Variants in PRDM16 observed in about 807,000 individuals in gnomAD.
PRDM16 encodes histone-lysine N-methyltransferase PRDM16.
In PRDM16, 23 loss-of-function variants were observed where a neutral mutation model predicts 110.6. The observed-to-expected ratio is 0.21, with a 90% confidence interval of 0.15 to 0.29. PRDM16 has a LOEUF of 0.29. PRDM16 is among the 10% of genes least tolerant of loss of function. The probability of loss-of-function intolerance (pLI) is 1.00; values close to 1 mark genes in which losing one functional copy is unlikely to be tolerated. For missense variants in PRDM16, 1,615 were observed against 1,794.3 expected (o/e 0.90, Z 1.81); for synonymous variants, 799 against 781.8 (o/e 1.02, Z -0.37).
rs1224455776 is a variant in PRDM16 at position 3,265,262 on chromosome 1, G to T, written c.438+21125G>T. 6.6e-6 allele frequency among the ~76,000 whole-genome samples: 1 copy of T among 152,134 alleles called. No homozygotes were observed. The highest frequency in any genetic ancestry group is 1.9e-4 in the East Asian group (1 of 5,188). On this transcript the variant is annotated intron_variant, in intron 3 of 16. Coordinates refer to ENST00000270722, the MANE Select transcript of PRDM16 (RefSeq NM_022114.4). The surrounding 1 kb of genome is among the most constrained non-coding windows in gnomAD (Gnocchi z 4.5). ...TGACAACAGCTTGTCCCTTACGGTT[G>T]GGACAGAAGCCTCAGGGTGCAGGGG...
intron 3 of PRDM16, among the ~76,000 whole-genome samples, chr1:3,276,499 G>A (rs1490275693): frequency 2.0e-5 from 3 of 152,228 alleles, no homozygotes; most frequent in South Asian, 4.1e-4. Context: ...GCTGCATGAA[G>A]ACTGGCCAGC....
rs538263186 is a variant in PRDM16, at chr1:3,247,664, C to T, written c.438+3527C>T. ...GCCTTCGTTCACTCCGCAGCCCTTG[C>T]GCCCGCGCAGCCCAGAGCTTTGGCG... On this transcript the variant is annotated intron_variant, in intron 3 of 16. Coordinates refer to ENST00000270722, the MANE Select transcript of PRDM16 (RefSeq NM_022114.4). Among the ~76,000 whole-genome samples, 3 of 152,366 alleles carry T rather than the reference C, an allele frequency of 2.0e-5. No individual in the cohort carries two copies. The South Asian group carries it at 6.2e-4, about 32-fold the overall frequency.
chr1:3,119,952 G>A (rs1236823918), intron 1 of PRDM16, among the ~76,000 whole-genome samples: 1 of 142,782 alleles, frequency 7.0e-6, no homozygotes, highest in Non-Finnish European at 1.5e-5. Flanking sequence ...GCTGTTTCTT[G>A]GAGGGGGGAG....
intron 3 of PRDM16, among the ~76,000 whole-genome samples, chr1:3,332,512 G>GT (rs1211732856): frequency 1.3e-5 from 2 of 151,852 alleles, no homozygotes; most frequent in Non-Finnish European, 2.9e-5. Flanking sequence ...ATGGGCTGTT[G>GT]TTTTTTTCCA....
At chr1:3,373,624 C>T (rs1283129238) in intron 3 of PRDM16, among the ~76,000 whole-genome samples, 1 of 152,234 alleles carries the variant, frequency 6.6e-6, no homozygotes, top group Non-Finnish European at 1.5e-5. Context: ...CCCCTGGGGT[C>T]CCTCCCTGCA....
At chr1:3,368,037 T>C (rs966277991) in intron 3 of PRDM16, among the ~76,000 whole-genome samples, 1 of 152,222 alleles carries the variant, frequency 6.6e-6, no homozygotes, top group African/African-American at 2.4e-5. Context: ...GAACATTCTG[T>C]ACCTGACATG....
chr1:3,079,041 G>T (rs555914344), intron 1 of PRDM16, among the ~76,000 whole-genome samples: 1 of 152,242 alleles, frequency 6.6e-6, no homozygotes, highest in African/African-American at 2.4e-5. Flanking sequence ...GGGTGGCTGC[G>T]GTCCTCCCCG....
chr1:3,341,087 T>C (rs958230929), intron 3 of PRDM16, among the ~76,000 whole-genome samples: 1 of 150,460 alleles, frequency 6.6e-6, no homozygotes, highest in Middle Eastern at 3.2e-3. Flanking sequence ...TTTCTCCCCC[T>C]CTGAGCCCTC....
intron 5 of PRDM16, among the ~76,000 whole-genome samples, chr1:3,397,739 G>A (rs1643407473): frequency 6.6e-6 from 1 of 152,202 alleles, no homozygotes; most frequent in Non-Finnish European, 1.5e-5. Flanking sequence ...ACACACCAAG[G>A]CTTAGTGATT....
chr1:3,188,446 G>A (rs922679725), intron 2 of PRDM16, among the ~76,000 whole-genome samples: 1 of 152,198 alleles, frequency 6.6e-6, no homozygotes, highest in Non-Finnish European at 1.5e-5. Flanking sequence ...GCCACTGCCT[G>A]CCGGTGCCTG....
intron 2 of PRDM16, among the ~76,000 whole-genome samples, chr1:3,212,847 T>A (rs1638930837): frequency 6.6e-6 from 1 of 152,124 alleles, no homozygotes; most frequent in African/African-American, 2.4e-5. Context: ...CAGCTCAGCC[T>A]CAGATTTTAA....
Position 3,402,795 on chromosome 1 carries a change from G to C in PRDM16, c.681G>C (p.Glu227Asp). Residue 227 changes from glutamate to aspartate, a missense_variant, in exon 6 of 17, where the codon GAG (glutamate) becomes GAC (aspartate). This residue lies in a region of PRDM16 where 416 missense variants were observed against 467.1 expected (regional missense o/e 0.89). Coordinates refer to ENST00000270722, the MANE Select transcript of PRDM16 (RefSeq NM_022114.4). ...ACCTCGTTCTCTCTCTTGCAGAGGA[G>C]CCCACGTTCCGCTGTGACGAGTGTG... ...LGTVPPGLDE[E>D]PTFRCDECDE... 2 of 1,610,592 alleles carry C rather than the reference G, an allele frequency of 1.2e-6. No individual in the cohort carries two copies. The highest frequency in any genetic ancestry group is 8.5e-7 in the Non-Finnish European group (1 of 1,177,914).
At chr1:3,285,491 A>G (rs1055550695) in intron 3 of PRDM16, among the ~76,000 whole-genome samples, 1 of 152,080 alleles carries the variant, frequency 6.6e-6, no homozygotes, top group African/African-American at 2.4e-5. Context: ...CGGGACGGAC[A>G]TGTCCCCTGC....
chr1:3,071,080 T>C (rs1444394168), intron 1 of PRDM16, among the ~76,000 whole-genome samples: 2 of 151,988 alleles, frequency 1.3e-5, no homozygotes, highest in African/African-American at 2.4e-5. Context: ...CTGCTCAGAG[T>C]CGGGACCACC....
rs998587011 is a variant in PRDM16, at chr1:3,412,385, C to T, written c.2188C>T (p.Leu730=). The change falls in exon 9 of 17, where the codon CTG becomes TTG. Residue 730 remains leucine (L), a synonymous_variant. Coordinates refer to ENST00000270722, the MANE Select transcript of PRDM16 (RefSeq NM_022114.4). ...CCACTCGGCGTTCCCCTTCCAGTTC[C>T]TGCCCAACTTCCCCCACTCCCTTTA... ...PYHSAFPFQF[L]PNFPHSLYPF... is the part of the protein sequence containing the mutation. 3.7e-6 allele frequency: 6 copies of T among 1,613,342 alleles called. No homozygotes were observed. The highest frequency in any genetic ancestry group is 1.3e-5 in the African/African-American group (1 of 74,950).
rs1398534716 is a variant in PRDM16 at position 3,244,486 on chromosome 1, CTT to C, written c.438+351_438+352del. ...ACGCAGGTTGTGTTTATTTAACTGT[CTT>C]TGCTGGATACTCTCATGAAAAGAAT... On this transcript the variant is annotated intron_variant, in intron 3 of 16. Transcript: ENST00000270722. This position sits in a 1 kb window ranked among gnomAD's most constrained non-coding sequence, Gnocchi z 4.1. Among the ~76,000 whole-genome samples the C allele has an allele frequency of 1.3e-5, 2 of 152,108 alleles. No individual in the cohort carries two copies. The highest frequency in any genetic ancestry group is 2.9e-5 in the Non-Finnish European group (2 of 68,036).
chr1:3,090,671 C>T (rs1642257220), intron 1 of PRDM16, among the ~76,000 whole-genome samples: 2 of 152,252 alleles, frequency 1.3e-5, no homozygotes, highest in African/African-American at 4.8e-5. Flanking sequence ...ACTCCCCAGT[C>T]TGACACCAAC....
At chr1:3,297,445 G>A (rs1189195151) in intron 3 of PRDM16, among the ~76,000 whole-genome samples, 1 of 152,022 alleles carries the variant, frequency 6.6e-6, no homozygotes, top group Non-Finnish European at 1.5e-5. Flanking sequence ...CACCACACAT[G>A]GCTAATTTTT....
intron 2 of PRDM16, among the ~76,000 whole-genome samples, chr1:3,239,013 CAT>C (rs2100902817): frequency 6.6e-6 from 1 of 152,376 alleles, no homozygotes; most frequent in African/African-American, 2.4e-5. Flanking sequence ...AGGCCCCCCA[CAT>C]GTGGCAGGGC....
Sources: allele counts gnomAD v4.1 joint callset (sites outside exome capture counted in the v4.1 genomes callset), GRCh38; gene constraint gnomAD v4.1.1; regional missense constraint gnomAD v4.1.1; non-coding constraint Gnocchi (gnomAD v3.1); transcripts MANE v1.5; gene names NCBI Gene and HGNC (gene_info 2026-07-23, HGNC 2026-07-21).